The following TAF5L variants were observed in gnomAD, a reference collection of about 807,000 sequenced individuals.
The protein encoded by TAF5L is TATA-box binding protein associated factor 5 like, also known as TAF5-like RNA polymerase II p300/CBP-associated factor-associated factor 65 kDa subunit 5L.
In TAF5L, 7 loss-of-function variants were observed where a neutral mutation model predicts 51.3. The ratio of observed to expected loss-of-function variants is 0.14; its 90% CI spans 0.08 to 0.26. The LOEUF is 0.26. Among genes scored for constraint, TAF5L ranks in the 10% least tolerant of loss-of-function variants. TAF5L has a pLI of 1.00. For missense variants in TAF5L, 575 were observed against 758.9 expected, an observed-to-expected ratio of 0.76 and a Z score of 2.85; for synonymous variants, 291 against 308.1, an observed-to-expected ratio of 0.94 and a Z score of 0.58.
chr1:229,596,424 C>A (rs1439945148), intron 4 of TAF5L, among the ~76,000 whole-genome samples: 4 of 152,174 alleles, frequency 2.6e-5, no homozygotes, highest in Non-Finnish European at 5.9e-5. Context: ...TAGTGACCAG[C>A]CACAAACTGC....
intron 4 of TAF5L, chr1:229,601,914 C>A: frequency 8.4e-7 from 1 of 1,192,830 alleles, no homozygotes; most frequent in East Asian, 4.6e-5. Flanking sequence ...TCAATATTAG[C>A]TAAAGGTCTT....
In TAF5L at chr1:229,594,155, G is replaced by A. The variant is rs948702955; in HGVS notation, c.*142C>T. On this transcript the variant is annotated 3_prime_UTR_variant, in exon 5 of 5. Coordinates refer to ENST00000258281, the Ensembl canonical transcript of TAF5L. The surrounding 1 kb of genome is among the most constrained non-coding windows in gnomAD (Gnocchi z 7.9). ...TTCGACACTGGGGGGCTGAGTGAAG[G>A]GGGACCTGCCCGGAATGAGGGCCCA... 3 of 978,522 alleles carry A rather than the reference G, an allele frequency of 3.1e-6. No individual in the cohort carries two copies. The highest frequency in any genetic ancestry group is 1.7e-5 in the African/African-American group (1 of 60,456). 60.6% of individuals were successfully genotyped at this position (978,522 alleles called of 1,614,324 possible).
chr1:229,613,134 A>G (rs891991095), intron 2 of TAF5L, among the ~76,000 whole-genome samples: 2 of 150,902 alleles, frequency 1.3e-5, no homozygotes, highest in Non-Finnish European at 2.9e-5. Flanking sequence ...CCTGGACAAC[A>G]TGGTAAGACC....
chr1:229,597,835 C>T (rs1664184408), intron 4 of TAF5L, among the ~76,000 whole-genome samples: 1 of 152,042 alleles, frequency 6.6e-6, no homozygotes. Context: ...AGTTTGCTGC[C>T]CCTGCTCTGG....
In TAF5L at chr1:229,594,580, T is replaced by A; in HGVS notation, c.1487A>T (p.Asp496Val). 1 of 1,614,184 alleles carries A rather than the reference T, an allele frequency of 6.2e-7. No individual in the cohort carries two copies. Among genetic ancestry groups the A allele is most frequent in the Non-Finnish European group, 8.5e-7 (1 of 1,180,036 alleles). The change falls in exon 5 of 5, where the codon GAC (aspartate) becomes GTC (valine). Residue 496 changes from aspartate (D) to valine (V), a missense_variant. Asp to Val is a radical substitution (Grantham distance 152). Coordinates refer to ENST00000258281, the Ensembl canonical transcript of TAF5L. This position sits in a 1 kb window ranked among gnomAD's most constrained non-coding sequence, Gnocchi z 7.9. The stretch of plus-strand genomic sequence containing the variant: ...TTTATAAAGGGTCCCAGAGGCCAAG[T>A]CCCACAGCTTCAACCGCTGGTCCTC...
intron 3 of TAF5L, among the ~76,000 whole-genome samples, chr1:229,603,750 T>C (rs1664477627): frequency 6.6e-6 from 1 of 152,218 alleles, no homozygotes; most frequent in Non-Finnish European, 1.5e-5. Context: ...GGTGTACAGC[T>C]TGAATTCATG....
At chr1:229,621,771 T>C (rs993231686) in intron 1 of TAF5L, among the ~76,000 whole-genome samples, 2 of 152,230 alleles carry the variant, frequency 1.3e-5, no homozygotes. Flanking sequence ...ATCTAAAATA[T>C]ATAAGGCAAT....
At chr1:229,603,232 G>C (rs1251588796) in intron 3 of TAF5L, among the ~76,000 whole-genome samples, 1 of 152,198 alleles carries the variant, frequency 6.6e-6, no homozygotes, top group African/African-American at 2.4e-5. Flanking sequence ...AGGTCTTCAA[G>C]ATTTAGTATT....
At chr1:229,619,810 C>T (rs1665138650) in intron 1 of TAF5L, among the ~76,000 whole-genome samples, 3 of 152,086 alleles carry the variant, frequency 2.0e-5, no homozygotes, top group South Asian at 4.1e-4. Context: ...TCTCTTGGTC[C>T]CTCCCACTGC....
Position 229,594,166 on chromosome 1 carries a change from C to A in TAF5L, c.*131G>T. 9.0e-7 allele frequency: 1 copy of A among 1,116,656 alleles called. No individual in the cohort carries two copies. The highest frequency in any genetic ancestry group is 1.3e-6 in the Non-Finnish European group (1 of 795,154). 69.2% of individuals were successfully genotyped at this position (1,116,656 alleles called of 1,614,324 possible). A position where few individuals can be genotyped will look rare whatever the true frequency, so the allele number is the denominator to read the frequency against. ...GGGGCTGAGTGAAGGGGGACCTGCC[C>A]GGAATGAGGGCCCAGGAGAGAGGGG... On this transcript the variant is annotated 3_prime_UTR_variant, in exon 5 of 5. Coordinates refer to ENST00000258281, the Ensembl canonical transcript of TAF5L. The surrounding 1 kb of genome is among the most constrained non-coding windows in gnomAD (Gnocchi z 7.9).
chr1:229,614,807 G>C (rs191540234), intron 1 of TAF5L, among the ~76,000 whole-genome samples: 162 of 152,326 alleles, frequency 1.1e-3, no homozygotes, highest in Middle Eastern at 3.4e-3. Flanking sequence ...CATTAGAGAA[G>C]CTAACAAAGA....
intron 3 of TAF5L, chr1:229,606,759 C>T (rs1336860009): frequency 2.0e-6 from 2 of 985,276 alleles, no homozygotes; most frequent in Admixed American, 6.2e-5. Flanking sequence ...CACAGCTGGC[C>T]CTGGTTCAAA....
intron 1 of TAF5L, among the ~76,000 whole-genome samples, chr1:229,616,862 T>C (rs1457142918): frequency 6.6e-6 from 1 of 152,236 alleles, no homozygotes; most frequent in Non-Finnish European, 1.5e-5. Context: ...TGCATTTTAT[T>C]TCTAGGTTGC....
chr1:229,605,362 T>C lies in TAF5L; in HGVS notation c.248-2443A>G, dbSNP rs201694724. Reference sequence around the variant, plus strand: ...GAGGAGTAAACATCATCCAAGGACTTTGCATTCTCCTCCGGGGAAAAGGTT... The same window carrying C: ...GAGGAGTAAACATCATCCAAGGACTCTGCATTCTCCTCCGGGGAAAAGGTT... On this transcript the variant is annotated intron_variant, in intron 3 of 4. Coordinates refer to ENST00000258281, the Ensembl canonical transcript of TAF5L. Among the ~76,000 whole-genome samples, 11 of 152,306 alleles carry C rather than the reference T, an allele frequency of 7.2e-5. No homozygotes were observed. In the East Asian group the frequency reaches 1.7e-3, roughly 24 times the overall value.
At chr1:229,599,097 C>G (rs900481799) in intron 4 of TAF5L, 1 of 201,698 alleles carries the variant, frequency 5.0e-6, no homozygotes, top group Non-Finnish European at 8.8e-6. Flanking sequence ...CTGCTCATAC[C>G]AAGGTAAAAA....
Position 229,610,101 on chromosome 1 carries a change from C to T in TAF5L, c.247+5G>A. On this transcript the variant is annotated splice_donor_5th_base_variant and intron_variant, in intron 3 of 4. Transcript: ENST00000258281. ...AAAGAAAAGGTTCTAGAGCTGAGTA[C>T]TTACCAGTGAGAAAATTCCGCAGTC... 6.2e-7 allele frequency: 1 copy of T among 1,613,774 alleles called. No individual in the cohort carries two copies. The highest frequency in any genetic ancestry group is 1.1e-5 in the South Asian group (1 of 91,076).
At chr1:229,610,896 G>A (rs1047189083) in intron 2 of TAF5L, among the ~76,000 whole-genome samples, 3 of 151,840 alleles carry the variant, frequency 2.0e-5, no homozygotes, top group East Asian at 3.9e-4. Flanking sequence ...CCCTAAACAC[G>A]CTATGCTTTT....
chr1:229,599,249 T>A, intron 4 of TAF5L: 1 of 918,060 alleles, frequency 1.1e-6, no homozygotes, highest in Non-Finnish European at 1.3e-6. Context: ...TAAGCTTACA[T>A]AGAAGATTTT....
chr1:229,594,963 G>A lies in TAF5L; in HGVS notation c.1104C>T (p.Tyr368=). 3 of 1,614,216 alleles carry A rather than the reference G, an allele frequency of 1.9e-6. No individual in the cohort carries two copies. The African/African-American group carries it at 4.0e-5, about 22-fold the overall frequency. ...TGTTGGTGAAACTCCCCAGATCCCAGTATCTGATGGACATGTCTTCAGAAC... is the reference window on the plus strand; with the variant it reads ...TGTTGGTGAAACTCCCCAGATCCCAATATCTGATGGACATGTCTTCAGAAC... Residue 368 remains tyrosine, a synonymous_variant, in exon 5 of 5, where the codon TAC becomes TAT. Coordinates refer to ENST00000258281, the Ensembl canonical transcript of TAF5L. This position sits in a 1 kb window ranked among gnomAD's most constrained non-coding sequence, Gnocchi z 7.9.
Sources: gnomAD v4.1 joint callset for allele counts (sites outside exome capture counted in the v4.1 genomes callset) on GRCh38, gnomAD v4.1.1 for gene constraint, Gnocchi (gnomAD v3.1) non-coding constraint, MANE v1.5 for transcripts, NCBI Gene and HGNC (gene_info 2026-07-23, HGNC 2026-07-21) for gene names.